WDPCP: variants seen among roughly 807,000 people sequenced by gnomAD.
WDPCP encodes the protein WD repeat containing planar cell polarity effector.
WDPCP carries 71 observed loss-of-function variants against 93.1 expected under a neutral mutation model. That is an observed-to-expected ratio of 0.76 (90% CI 0.63 to 0.93). WDPCP has a LOEUF of 0.93. Among genes scored for constraint, WDPCP ranks in the 40% least tolerant of loss-of-function variants. The pLI, the probability that WDPCP is intolerant of heterozygous loss-of-function variation, is 0.00. For synonymous variants in WDPCP, 315 were observed against 315.0 expected, an observed-to-expected ratio of 1.00 and a Z score of 0.00; for missense variants, 844 against 887.4, an observed-to-expected ratio of 0.95 and a Z score of 0.62.
chr2:63,360,879 A>G (rs1396375310), intron 12 of WDPCP, among the ~76,000 whole-genome samples: 4 of 152,230 alleles, frequency 2.6e-5, no homozygotes. Context: ...GAGCAAAACT[A>G]TCAGGATGAC....
chr2:63,127,470 G>GT (rs1669994039), intron 17 of WDPCP, among the ~76,000 whole-genome samples: 1 of 151,666 alleles, frequency 6.6e-6, no homozygotes, highest in African/African-American at 2.4e-5. Context: ...AATGAGAATA[G>GT]TTTATCAATT....
chr2:63,304,945 C>T (rs976876964), intron 13 of WDPCP, among the ~76,000 whole-genome samples: 1 of 152,096 alleles, frequency 6.6e-6, no homozygotes, highest in Non-Finnish European at 1.5e-5. Flanking sequence ...CTTGAGTAGG[C>T]AGTTTTCCCC....
At chr2:63,312,387 G>C (rs1161378387) in intron 13 of WDPCP, among the ~76,000 whole-genome samples, 1 of 152,092 alleles carries the variant, frequency 6.6e-6, no homozygotes, top group African/African-American at 2.4e-5. Flanking sequence ...AGAGGCTTTT[G>C]ATTTATTGTT....
At position 63,496,609 on chromosome 2, in the gene WDPCP, A is replaced by G. The variant is rs566072296; in HGVS notation, c.76-3669T>C. ...AGTCTATGACCTGGACTTGTCTTCC[A>G]GCTCAGCACCAAACGATCCATATCT... is the stretch of plus-strand genomic sequence containing the variant. On this transcript the variant is annotated intron_variant, in intron 1 of 17. Transcript: ENST00000272321. 3.4e-4 allele frequency among the ~76,000 whole-genome samples: 52 copies of G among 152,310 alleles called. No individual in the cohort carries two copies. In the Middle Eastern group the frequency reaches 0.01, roughly 30 times the overall value.
intron 4 of WDPCP, among the ~76,000 whole-genome samples, chr2:63,485,235 A>G (rs1323762675): frequency 6.6e-6 from 1 of 151,854 alleles, no homozygotes; most frequent in African/African-American, 2.4e-5. Context: ...TCCCTGGGAA[A>G]GTTTGCTAGG....
At chr2:63,720,452 A>G (rs1337650501) in intron 2 of WDPCP, among the ~76,000 whole-genome samples, 1 of 151,832 alleles carries the variant, frequency 6.6e-6, no homozygotes. Flanking sequence ...CAACAACAAC[A>G]AAAAAGTACT....
chr2:63,359,282 C>T (rs1197650833), intron 12 of WDPCP, among the ~76,000 whole-genome samples: 2 of 152,196 alleles, frequency 1.3e-5, no homozygotes, highest in Non-Finnish European at 2.9e-5. Context: ...GACGTGCAAC[C>T]TTGCATTTCC....
chr2:63,682,510 A>G (rs1668723455), intron 2 of WDPCP, among the ~76,000 whole-genome samples: 1 of 152,122 alleles, frequency 6.6e-6, no homozygotes, highest in African/African-American at 2.4e-5. Context: ...AAAAAAGAAT[A>G]AAAAACAATG....
chr2:63,660,512 G>A (rs1710214667), intron 2 of WDPCP, among the ~76,000 whole-genome samples: 1 of 152,128 alleles, frequency 6.6e-6, no homozygotes, highest in Admixed American at 6.5e-5. Context: ...CATTCCAACA[G>A]GCTTCCTGCC....
intron 1 of WDPCP, among the ~76,000 whole-genome samples, chr2:63,515,009 TCA>T (rs1481332805): frequency 6.6e-6 from 1 of 152,116 alleles, no homozygotes; most frequent in East Asian, 1.9e-4. Flanking sequence ...CTGTAAATCA[TCA>T]CAGTTGGTTC....
intron 2 of WDPCP, among the ~76,000 whole-genome samples, chr2:63,706,893 G>A (rs1669164632): frequency 6.6e-6 from 1 of 152,112 alleles, no homozygotes; most frequent in African/African-American, 2.4e-5. Context: ...TGGGATTACA[G>A]GCATGAGCCA....
intron 1 of WDPCP, among the ~76,000 whole-genome samples, chr2:63,570,192 A>T (rs1707373638): frequency 6.6e-6 from 1 of 152,184 alleles, no homozygotes; most frequent in African/African-American, 2.4e-5. Context: ...GTACAAAAAC[A>T]CCCGTGTAAA....
At chr2:63,310,283 C>G (rs1377290173) in intron 13 of WDPCP, among the ~76,000 whole-genome samples, 2 of 152,038 alleles carry the variant, frequency 1.3e-5, no homozygotes, top group Non-Finnish European at 2.9e-5. Flanking sequence ...ACTGAGAGAG[C>G]TTGGAGTTGA....
At chr2:63,139,327 G>C (rs2103676896) in intron 17 of WDPCP, among the ~76,000 whole-genome samples, 1 of 152,280 alleles carries the variant, frequency 6.6e-6, no homozygotes. Context: ...CTTTTCTTCT[G>C]TGTAGACACC....
At chr2:63,343,897 T>A (rs1382047076) in intron 12 of WDPCP, among the ~76,000 whole-genome samples, 1 of 152,192 alleles carries the variant, frequency 6.6e-6, no homozygotes, top group Non-Finnish European at 1.5e-5. Context: ...ATTGATATTC[T>A]CTATTTGCTG....
intron 2 of WDPCP, chr2:63,711,434 C>T (rs1669262797): frequency 6.6e-6 from 1 of 152,048 alleles, no homozygotes; most frequent in Non-Finnish European, 1.5e-5. Context: ...TAGTTATAGA[C>T]TGGGAATCTG....
rs116314068 is a variant in WDPCP at position 63,657,177 on chromosome 2, C to G, written n.309-6339G>C. On this transcript the variant is annotated intron_variant and non_coding_transcript_variant, in intron 2 of 4. Transcript: ENST00000467687. ...CTGTGAATTATTGGGGAGGGTTTTG[C>G]GTACAGATGAGACAGGTTCTGGGTG... 3.5e-5 allele frequency among the ~76,000 whole-genome samples: 5 copies of G among 144,820 alleles called. No individual in the cohort carries two copies. The East Asian group carries it at 1.0e-3, about 30-fold the overall frequency.
chr2:63,253,317 T>A (rs1031579556), intron 14 of WDPCP, among the ~76,000 whole-genome samples: 2 of 152,136 alleles, frequency 1.3e-5, no homozygotes, highest in African/African-American at 2.4e-5. Context: ...CTTCTGGACA[T>A]TGGCCTTGGT....
At position 63,625,434 on chromosome 2, in the gene WDPCP, G is replaced by A. The variant is rs555423699; in HGVS notation, n.488+25225C>T. ...CATTGTATATTTAGAAAACCCCATCGTCTGAGCCCAACGTCTCCTTAAGCT... is the reference window on the plus strand; with the variant it reads ...CATTGTATATTTAGAAAACCCCATCATCTGAGCCCAACGTCTCCTTAAGCT... On this transcript the variant is annotated intron_variant and non_coding_transcript_variant, in intron 3 of 4. Coordinates refer to the WDPCP transcript ENST00000467687. 1.4e-4 allele frequency among the ~76,000 whole-genome samples: 21 copies of A among 152,298 alleles called. 1 individual carries two copies. The highest frequency in any genetic ancestry group is 1.2e-3 in the East Asian group (6 of 5,192).
Sources: allele counts gnomAD v4.1 joint callset (sites outside exome capture counted in the v4.1 genomes callset), GRCh38; gene constraint gnomAD v4.1.1; transcripts MANE v1.5; gene names NCBI Gene and HGNC (gene_info 2026-07-23, HGNC 2026-07-21).